ACP7: variants seen among roughly 807,000 people sequenced by gnomAD.
ACP7 encodes the protein acid phosphatase type 7.
In ACP7, 58 loss-of-function variants were observed where a neutral mutation model predicts 60.6. The ratio of observed to expected loss-of-function variants is 0.96; its 90% CI spans 0.77 to 1.19. ACP7 has a LOEUF of 1.19. Among genes scored for constraint, ACP7 ranks in the 50% most tolerant of loss-of-function variants. ACP7 has a pLI of 0.00. For synonymous variants in ACP7, 237 were observed against 232.6 expected, an observed-to-expected ratio of 1.02 and a Z score of -0.17; for missense variants, 574 against 596.2, an observed-to-expected ratio of 0.96 and a Z score of 0.39.
intron 5 of ACP7, 101 bp from the exon 6 acceptor site, chr19:39,100,479 G>T: frequency 1.2e-6 from 2 of 1,601,688 alleles, no homozygotes; most frequent in Non-Finnish European, 8.5e-7. Context: ...AGATGGGGGT[G>T]GGCTGGAAGC....
chr19:39,110,011 G>A (rs1402583488), intron 12 of ACP7, 42 bp from the exon 13 acceptor site: 1 of 1,588,242 alleles, frequency 6.3e-7, no homozygotes, highest in Admixed American at 1.7e-5. Context: ...CAGAGTTCAG[G>A]CTTTCAGCTC....
intron 4 of ACP7, among the ~76,000 whole-genome samples, chr19:39,099,343 G>A (rs1389125076): frequency 6.6e-6 from 1 of 152,162 alleles, no homozygotes; most frequent in Non-Finnish European, 1.5e-5. Flanking sequence ...GCCTGCCTAG[G>A]TTAAAATCCC....
intron 2 of ACP7, among the ~76,000 whole-genome samples, chr19:39,087,686 T>A (rs868868209): frequency 6.6e-6 from 1 of 150,698 alleles, no homozygotes; most frequent in Non-Finnish European, 1.5e-5. Flanking sequence ...CAGGCTGTAG[T>A]GCAATGGCAT....
At chr19:39,102,926 A>T (rs1389957530) in intron 11 of ACP7, among the ~76,000 whole-genome samples, 1 of 150,516 alleles carries the variant, frequency 6.6e-6, no homozygotes, top group East Asian at 2.0e-4. Flanking sequence ...CAACCTCCAC[A>T]TCCCGGGATC....
At chr19:39,099,669 T>TC (rs2073316314) in intron 4 of ACP7, among the ~76,000 whole-genome samples, 1 of 151,946 alleles carries the variant, frequency 6.6e-6, no homozygotes, top group South Asian at 2.1e-4. Flanking sequence ...GGCCTCAGTT[T>TC]CCCCATCTGA....
intron 12 of ACP7, among the ~76,000 whole-genome samples, chr19:39,108,099 C>T (rs1296338532): frequency 6.6e-6 from 1 of 150,944 alleles, no homozygotes. Flanking sequence ...AAACCTGCTC[C>T]TGCTGCTTAC....
At chr19:39,084,876 G>T (rs903404621) in intron 1 of ACP7, among the ~76,000 whole-genome samples, 3 of 152,046 alleles carry the variant, frequency 2.0e-5, no homozygotes, top group African/African-American at 7.2e-5. Flanking sequence ...TCAAATCCTG[G>T]CTCCATCCCA....
chr19:39,093,742 T>G (rs1044116416), intron 2 of ACP7, among the ~76,000 whole-genome samples: 2 of 152,194 alleles, frequency 1.3e-5, no homozygotes, highest in Non-Finnish European at 2.9e-5. Context: ...AATTCATCTC[T>G]TTAGTACCTG....
chr19:39,102,943 T>C (rs1363672831), intron 11 of ACP7, among the ~76,000 whole-genome samples: 1 of 151,686 alleles, frequency 6.6e-6, no homozygotes, highest in African/African-American at 2.4e-5. Flanking sequence ...GATCAAGCAA[T>C]TGTCTTGCCT....
Position 39,100,818 on chromosome 19 carries a change from C to A in ACP7, c.772C>A (p.Gln258Lys). 1 of 1,614,012 alleles carries A rather than the reference C, an allele frequency of 6.2e-7. No individual in the cohort carries two copies. The highest frequency in any genetic ancestry group is 8.5e-7 in the Non-Finnish European group (1 of 1,180,010). ...TCTCCATTATGGCCGCCACTTGGTA[C>A]AGAGGCAGTTTCGCTGGCTGGAGAG... ...FFLHYGRHLV[Q>K]RQFRWLESDL... The change falls in exon 7 of 13, where the codon CAG becomes AAG. Residue 258 changes from glutamine to lysine, a missense_variant. Transcript: ENST00000331256.
intron 2 of ACP7, among the ~76,000 whole-genome samples, chr19:39,095,774 G>A (rs1467029737): frequency 3.3e-5 from 5 of 152,222 alleles, no homozygotes; most frequent in African/African-American, 7.2e-5. Context: ...GCATTCAGGC[G>A]TTTCCATACA....
At chr19:39,093,172 C>CTT in intron 2 of ACP7, among the ~76,000 whole-genome samples, 7 of 80,864 alleles carry the variant, frequency 8.7e-5, no homozygotes, top group African/African-American at 1.5e-4. Flanking sequence ...CTTTCTTTCT[C>CTT]TCCTTCCTTC....
chr19:39,100,868 G>C lies in ACP7; in HGVS notation c.807+15G>C. On this transcript the variant is annotated intron_variant, in intron 7 of 12. Coordinates refer to ENST00000331256, the MANE Select transcript of ACP7 (RefSeq NM_001004318.3). Reference sequence around the variant, plus strand: ...GCGACCTCCAGGTAACCTGGGTGGAGGCCCCTATAGTCCCCTGGCCAGCCC... The same window carrying C: ...GCGACCTCCAGGTAACCTGGGTGGACGCCCCTATAGTCCCCTGGCCAGCCC... 6.2e-7 allele frequency: 1 copy of C among 1,612,366 alleles called. No individual in the cohort carries two copies. The highest frequency in any genetic ancestry group is 1.1e-5 in the South Asian group (1 of 91,058).
chr19:39,089,177 C>T (rs2073177212), intron 2 of ACP7, among the ~76,000 whole-genome samples: 1 of 152,222 alleles, frequency 6.6e-6, no homozygotes, highest in African/African-American at 2.4e-5. Context: ...AATCTACCCA[C>T]CTCGGCCTCC....
chr19:39,106,832 G>A (rs2073415640), intron 11 of ACP7, 115 bp from the exon 12 acceptor site: 2 of 1,328,664 alleles, frequency 1.5e-6, no homozygotes, highest in Admixed American at 3.9e-5. Context: ...CCTCTATGGT[G>A]GTCAAGTCTT....
chr19:39,099,890 G>A (rs1227927601), intron 4 of ACP7, among the ~76,000 whole-genome samples: 1 of 151,106 alleles, frequency 6.6e-6, no homozygotes, highest in East Asian at 2.0e-4. Context: ...CTGCTTGGGA[G>A]GCTGAGGCAG....
intron 11 of ACP7, among the ~76,000 whole-genome samples, chr19:39,104,437 C>T (rs1465627058): frequency 6.6e-6 from 1 of 152,192 alleles, no homozygotes; most frequent in African/African-American, 2.4e-5. Flanking sequence ...ACCAGAATCC[C>T]TGGCATTGAT....
chr19:39,102,098 C>T (rs2073352838), intron 11 of ACP7, among the ~76,000 whole-genome samples: 1 of 145,284 alleles, frequency 6.9e-6, no homozygotes, highest in South Asian at 2.2e-4. Flanking sequence ...CCAGCCTGGG[C>T]AACAAAATGA....
In ACP7 at chr19:39,099,156, A is replaced by C; in HGVS notation, c.505+14A>C. On this transcript the variant is annotated intron_variant, in intron 4 of 12. Transcript: ENST00000331256. ...TTCTCCATGTGGGTGAGGCATCCGC[A>C]GGGGCGCGCGCAGGGACGGTGGGGG... 6.9e-7 allele frequency: 1 copy of C among 1,451,060 alleles called. No individual in the cohort carries two copies. The highest frequency in any genetic ancestry group is 9.1e-7 in the Non-Finnish European group (1 of 1,103,550). 89.9% of individuals were successfully genotyped at this position (1,451,060 alleles called of 1,614,324 possible). A position where few individuals can be genotyped will look rare whatever the true frequency, so the allele number is the denominator to read the frequency against.
Sources: gnomAD v4.1 joint callset for allele counts (sites outside exome capture counted in the v4.1 genomes callset) on GRCh38, gnomAD v4.1.1 for gene constraint, MANE v1.5 for transcripts, NCBI Gene and HGNC (gene_info 2026-07-23, HGNC 2026-07-21) for gene names.